Variants in KIF17 observed in about 807,000 individuals in gnomAD.
The protein encoded by KIF17 is kinesin family member 17, also known as kinesin-like protein KIF17.
A neutral mutation model predicts 96.8 loss-of-function variants in KIF17; 80 were observed. The ratio of observed to expected loss-of-function variants is 0.83; its 90% confidence interval spans 0.69 to 1.00. The LOEUF is 1.00. KIF17 is among the 50% of genes least tolerant of loss of function. The pLI is 0.00. For missense variants in KIF17, 1,280 were observed against 1,372.9 expected (o/e 0.93, Z 1.07); for synonymous variants, 567 against 587.5 (o/e 0.97, Z 0.51).
chr1:20,672,301 C>G lies in KIF17; in HGVS notation c.2464-105G>C. The G allele has an allele frequency of 7.0e-7, 1 of 1,437,014 alleles. No homozygotes were observed. Among genetic ancestry groups the G allele is most frequent in the African/African-American group, 1.4e-5 (1 of 71,184 alleles). The allele number at this position is 1,437,014 out of a possible 1,614,324, so 89.0% of individuals were successfully genotyped here. On this transcript the variant is annotated intron_variant, in intron 11 of 14. Transcript: ENST00000400463. This position sits in a 1 kb window ranked among gnomAD's most constrained non-coding sequence, Gnocchi z 4.3. ...TGCCAGCAGCCACGCATCGTCTGTT[C>G]ATTGGCCTGATCAGCCATCCATTCT... is the stretch of plus-strand genomic sequence containing the variant.
chr1:20,705,533 G>A (rs376430618), intron 4 of KIF17, among the ~76,000 whole-genome samples: 5 of 152,170 alleles, frequency 3.3e-5, no homozygotes, highest in African/African-American at 9.7e-5. Flanking sequence ...TCACAAAGCC[G>A]CTGCCTCTGT....
chr1:20,702,300 GCTC>G (rs2054251969), intron 5 of KIF17, among the ~76,000 whole-genome samples: 1 of 152,096 alleles, frequency 6.6e-6, no homozygotes, highest in Non-Finnish European at 1.5e-5. Context: ...TGCTGGCTGG[GCTC>G]CTTGCTCCTA....
intron 4 of KIF17, among the ~76,000 whole-genome samples, chr1:20,708,623 C>T (rs778819163): frequency 5.3e-5 from 8 of 152,170 alleles, no homozygotes; most frequent in Non-Finnish European, 1.2e-4. Context: ...CACGGAGACC[C>T]GGGTTCAAAT....
At chr1:20,677,843 G>A (rs1190791347) in intron 11 of KIF17, among the ~76,000 whole-genome samples, 4 of 152,226 alleles carry the variant, frequency 2.6e-5, no homozygotes, top group Admixed American at 6.5e-5. Context: ...GCAACAGAGC[G>A]AGACTCCGTC....
At chr1:20,682,103 C>T (rs537418533) in intron 11 of KIF17, among the ~76,000 whole-genome samples, 2 of 152,266 alleles carry the variant, frequency 1.3e-5, no homozygotes, top group African/African-American at 4.8e-5. Flanking sequence ...CACACACGCA[C>T]ACCCACACAC....
intron 6 of KIF17, among the ~76,000 whole-genome samples, chr1:20,690,742 A>C (rs2054024821): frequency 1.3e-5 from 2 of 150,890 alleles, no homozygotes; most frequent in Non-Finnish European, 2.9e-5. Context: ...GCTGGAGTGC[A>C]GTGGCGCCAT....
intron 7 of KIF17, among the ~76,000 whole-genome samples, chr1:20,688,416 C>G (rs1224328446): frequency 6.6e-6 from 1 of 152,204 alleles, no homozygotes; most frequent in East Asian, 1.9e-4. Context: ...AGGCTGGCTA[C>G]AGCCTGCCTG....
chr1:20,717,418 A>C, intron 1 of KIF17, 58 bp downstream of exon 1: 1 of 1,584,514 alleles, frequency 6.3e-7, no homozygotes, highest in Non-Finnish European at 8.6e-7. Context: ...CCCCCTGGGG[A>C]CTCTCGGGGC....
At chr1:20,664,836 G>GCTCTCC in intron 14 of KIF17, 74 bp from the exon 15 acceptor site, 1 of 1,404,442 alleles carries the variant, frequency 7.1e-7, no homozygotes, top group Non-Finnish European at 9.9e-7. Flanking sequence ...AAGTGGGTAG[G>GCTCTCC]ATGGAGAGCC....
At chr1:20,703,499 C>CATGGATGG (rs200289845) in intron 5 of KIF17, among the ~76,000 whole-genome samples, 12 of 145,066 alleles carry the variant, frequency 8.3e-5, no homozygotes, top group South Asian at 2.2e-4. Flanking sequence ...TGGATGGATG[C>CATGGATGG]ATGGATGGAT....
chr1:20,685,157 C>G lies in KIF17; in HGVS notation c.2020-137G>C, dbSNP rs1281969733. On this transcript the variant is annotated intron_variant, in intron 9 of 14. Transcript: ENST00000400463. The surrounding 1 kb of genome is among the most constrained non-coding windows in gnomAD (Gnocchi z 4.1). ...CAGATCACCTCCAGCTCAGGGACAC[C>G]AGTGACACAAAAACACGCCCTGTTG... is the stretch of plus-strand genomic sequence containing the variant. 4.0e-6 allele frequency: 3 copies of G among 745,646 alleles called. No individual in the cohort carries two copies. In the Admixed American group the frequency reaches 6.0e-5, roughly 15 times the overall value. 46.2% of individuals were successfully genotyped at this position (745,646 alleles called of 1,614,324 possible). A position where few individuals can be genotyped will look rare whatever the true frequency, so the allele number is the denominator to read the frequency against.
intron 11 of KIF17, among the ~76,000 whole-genome samples, chr1:20,681,181 G>GGTTTTGTTTTGTTTT (rs113159025): frequency 2.1e-5 from 3 of 140,876 alleles, no homozygotes; most frequent in South Asian, 2.3e-4. Context: ...GAGGCAAAAA[G>GGTTTTGTTTTGTTTT]GTTTTGTTTT....
At chr1:20,662,433 C>T (rs1458041316), downstream of KIF17, among the ~76,000 whole-genome samples, 1 of 152,166 alleles carries the variant, frequency 6.6e-6, no homozygotes, top group Non-Finnish European at 1.5e-5. Context: ...ACTTGTCCAC[C>T]AACCCAAGAA....
chr1:20,678,218 T>A (rs1570439779), intron 11 of KIF17, among the ~76,000 whole-genome samples: 1 of 152,104 alleles, frequency 6.6e-6, no homozygotes, highest in East Asian at 1.9e-4. Flanking sequence ...CCATCAGATC[T>A]CATGAAACTT....
chr1:20,664,348 G>GA lies in KIF17; in HGVS notation c.*235dup. On this transcript the variant is annotated 3_prime_UTR_variant, in exon 15 of 15. Coordinates refer to ENST00000400463, the MANE Select transcript of KIF17 (RefSeq NM_001122819.3). ...GCAGACGGAAACACTGATGTGGTATGAACAGCTGGAGCAGGCCTCTCTAAG... is the reference window on the plus strand; with the variant it reads ...GCAGACGGAAACACTGATGTGGTATGAAACAGCTGGAGCAGGCCTCTCTAAG... 1 of 1,424,232 alleles carries GA rather than the reference G, an allele frequency of 7.0e-7. No individual in the cohort carries two copies. Among genetic ancestry groups the GA allele is most frequent in the Non-Finnish European group, 9.2e-7 (1 of 1,091,846 alleles). The allele number at this position is 1,424,232 out of a possible 1,614,324, so 88.2% of individuals were successfully genotyped here.
At chr1:20,701,147 C>T (rs977708528) in intron 5 of KIF17, among the ~76,000 whole-genome samples, 7 of 152,052 alleles carry the variant, frequency 4.6e-5, no homozygotes, top group African/African-American at 1.7e-4. Context: ...TAAATTAAGA[C>T]ACGAGGCCAG....
intron 3 of KIF17, among the ~76,000 whole-genome samples, chr1:20,712,661 A>AT (rs1403513433): frequency 4.2e-5 from 1 of 23,592 alleles, no homozygotes; most frequent in Non-Finnish European, 1.0e-4. Context: ...TATTATCTAT[A>AT]TATAATATAG....
chr1:20,686,622 C>A (rs2053943753), intron 8 of KIF17, among the ~76,000 whole-genome samples: 1 of 152,092 alleles, frequency 6.6e-6, no homozygotes, highest in Admixed American at 6.5e-5. Context: ...GTGGTGCGAT[C>A]TTGGCTCACT....
rs1257461920 is a variant in KIF17 at position 20,709,739 on chromosome 1, C to G, written c.570G>C (p.Glu190Asp). 6.2e-7 allele frequency: 1 copy of G among 1,614,168 alleles called. No homozygotes were observed. The highest frequency in any genetic ancestry group is 2.2e-5 in the East Asian group (1 of 44,886). ...HSVAQCEHIM[E>D]TGWKNRSVGY... is the part of the protein sequence containing the mutation. ...CGACCGAACGGTTCTTCCAGCCAGT[C>G]TCCATGATGTGCTCACACTGGGCCA... The change falls in exon 4 of 15, where the codon GAG becomes GAC. Residue 190 changes from glutamate to aspartate, a missense_variant. Physicochemically the swap from Glu to Asp is conservative, Grantham distance 45 (BLOSUM62 2). Transcript: ENST00000400463. This position sits in a 1 kb window ranked among gnomAD's most constrained non-coding sequence, Gnocchi z 4.7.
Sources: allele counts gnomAD v4.1 joint callset (sites outside exome capture counted in the v4.1 genomes callset), GRCh38; gene constraint gnomAD v4.1.1; non-coding constraint Gnocchi (gnomAD v3.1); transcripts MANE v1.5; gene names NCBI Gene and HGNC (gene_info 2026-07-23, HGNC 2026-07-21).